The following NGF variants were observed in gnomAD, a reference collection of about 807,000 sequenced individuals.
NGF encodes the protein beta-nerve growth factor.
A neutral mutation model predicts 12.8 loss-of-function variants in NGF; 4 were observed. The observed-to-expected ratio is 0.31, with a 90% CI of 0.15 to 0.72. The LOEUF is 0.72. Among genes scored for constraint, NGF ranks in the 30% least tolerant of loss-of-function variants. The probability of loss-of-function intolerance (pLI) is 0.69; values close to 1 mark genes in which losing one functional copy is unlikely to be tolerated. For missense variants in NGF, 283 were observed against 330.8 expected, an observed-to-expected ratio of 0.86 and a Z score of 1.12; for synonymous variants, 140 against 130.0, an observed-to-expected ratio of 1.08 and a Z score of -0.52.
intron 1 of NGF, among the ~76,000 whole-genome samples, chr1:115,329,940 C>A (rs1439432666): frequency 6.6e-6 from 1 of 151,806 alleles, no homozygotes; most frequent in Admixed American, 6.6e-5. Context: ...TATTTTTGTA[C>A]AGATGGGGTC....
At chr1:115,335,614 C>T (rs1432691744) in intron 1 of NGF, among the ~76,000 whole-genome samples, 1 of 149,434 alleles carries the variant, frequency 6.7e-6, no homozygotes, top group Non-Finnish European at 1.5e-5. Flanking sequence ...TCCACTGCTT[C>T]CTGAGATCAG....
intron 1 of NGF, among the ~76,000 whole-genome samples, chr1:115,323,553 G>A (rs1654686120): frequency 6.6e-6 from 1 of 152,194 alleles, no homozygotes; most frequent in Admixed American, 6.5e-5. Context: ...AGGCAGCTAT[G>A]AGACTACATC....
intron 1 of NGF, among the ~76,000 whole-genome samples, chr1:115,296,574 C>T (rs1341998542): frequency 6.6e-6 from 1 of 152,168 alleles, no homozygotes; most frequent in African/African-American, 2.4e-5. Flanking sequence ...CACCTTGGTG[C>T]ATGCCAGGGC....
chr1:115,286,417 T>C lies in NGF; in HGVS notation c.379A>G (p.Ile127Val), dbSNP rs28758211. 2 of 1,611,884 alleles carry C rather than the reference T, an allele frequency of 1.2e-6. No homozygotes were observed. The highest frequency in any genetic ancestry group is 1.7e-6 in the Non-Finnish European group (2 of 1,179,582). The change falls in exon 3 of 3, where the codon ATC (isoleucine) becomes GTC (valine). Residue 127 changes from isoleucine to valine, a missense_variant. By Grantham distance (29) the Ile-to-Val change is conservative. Transcript: ENST00000369512. ...HRSKRSSSHPIFHRGEFSVCD... is the reference protein window; with the variant it reads ...HRSKRSSSHPVFHRGEFSVCD... ...ACCGAGAATTCGCCCCTGTGGAAGA[T>C]GGGATGGGATGATGACCGCTTGCTC... is the stretch of plus-strand genomic sequence containing the variant.
At position 115,337,267 on chromosome 1, in the gene NGF, G is replaced by GTTTTTTTTTTTT. The variant is rs67307707; in HGVS notation, c.-137+925_-137+936dup. Among the ~76,000 whole-genome samples the GTTTTTTTTTTTT allele has an allele frequency of 2.8e-3, 226 of 81,008 alleles. 24 individuals carry two copies. Among genetic ancestry groups the GTTTTTTTTTTTT allele is most frequent in the Non-Finnish European group, 4.4e-3 (189 of 42,658 alleles). The allele number at this position is 81,008 out of a possible 152,430, so 53.1% of individuals were successfully genotyped here. On this transcript the variant is annotated intron_variant, in intron 1 of 2. Coordinates refer to ENST00000369512, the MANE Select transcript of NGF (RefSeq NM_002506.3). ...TCGAAATTTTTTTTGTTTTGTTTTT[G>GTTTTTTTTTTTT]TTTTTTTTTTTTTTTTTTTTTTTTT... is the stretch of plus-strand genomic sequence containing the variant.
At chr1:115,323,971 C>T (rs1262059484) in intron 1 of NGF, among the ~76,000 whole-genome samples, 3 of 152,184 alleles carry the variant, frequency 2.0e-5, no homozygotes, top group African/African-American at 7.2e-5. Flanking sequence ...GATCTGCAAA[C>T]CCCAGAATTT....
At position 115,319,240 on chromosome 1, in the gene NGF, C is replaced by T. The variant is rs560083920; in HGVS notation, c.-137+18964G>A. ...TTCTTTTCTTAACCAGACCCGGTGA[C>T]TGGCCTTCTTCTTCAAGATTCTCCA... On this transcript the variant is annotated intron_variant, in intron 1 of 2. Coordinates refer to ENST00000369512, the MANE Select transcript of NGF (RefSeq NM_002506.3). Among the ~76,000 whole-genome samples, 15 of 152,324 alleles carry T rather than the reference C, an allele frequency of 9.8e-5. No individual in the cohort carries two copies. In the South Asian group the frequency reaches 3.1e-3, roughly 32 times the overall value.
At chr1:115,299,557 G>A (rs931628509) in intron 1 of NGF, among the ~76,000 whole-genome samples, 1 of 152,314 alleles carries the variant, frequency 6.6e-6, no homozygotes, top group East Asian at 1.9e-4. Context: ...CAACATTAAT[G>A]TGGTGGAAGA....
At chr1:115,307,262 G>GA (rs1220338600) in intron 1 of NGF, among the ~76,000 whole-genome samples, 1 of 152,182 alleles carries the variant, frequency 6.6e-6, no homozygotes, top group African/African-American at 2.4e-5. Context: ...ACAATTGAGA[G>GA]AGGAGGGGAG....
intron 2 of NGF, among the ~76,000 whole-genome samples, chr1:115,292,728 G>T (rs1197553991): frequency 6.6e-6 from 1 of 152,142 alleles, no homozygotes; most frequent in Non-Finnish European, 1.5e-5. Flanking sequence ...CCCCAACATC[G>T]AAATGAAAAT....
chr1:115,313,241 G>C (rs778583967), intron 1 of NGF, among the ~76,000 whole-genome samples: 14 of 152,174 alleles, frequency 9.2e-5, no homozygotes, highest in Non-Finnish European at 1.8e-4. Context: ...GTACTACTTT[G>C]GTCTGTTGTA....
Position 115,319,420 on chromosome 1 carries a change from C to T in NGF, c.-137+18784G>A, listed in dbSNP as rs531416202. Among the ~76,000 whole-genome samples the T allele has an allele frequency of 4.6e-5, 7 of 152,296 alleles. No homozygotes were observed. In the South Asian group the frequency reaches 8.3e-4, roughly 18 times the overall value. On this transcript the variant is annotated intron_variant, in intron 1 of 2. Transcript: ENST00000369512. The stretch of plus-strand genomic sequence containing the variant: ...ACATGTGTACATGTACTCGCACACA[C>T]ACATACTCATGTACACACCTGTACA...
intron 1 of NGF, among the ~76,000 whole-genome samples, chr1:115,328,084 A>T (rs901640038): frequency 3.3e-5 from 5 of 152,208 alleles, no homozygotes; most frequent in Non-Finnish European, 4.4e-5. Context: ...ACAGGAATTC[A>T]GCATTTGAGA....
intron 1 of NGF, among the ~76,000 whole-genome samples, chr1:115,314,351 T>A (rs917427059): frequency 6.6e-5 from 10 of 152,208 alleles, no homozygotes; most frequent in African/African-American, 2.4e-4. Flanking sequence ...CCTCCCTGTT[T>A]TCCTCATCAC....
At chr1:115,288,839 T>G (rs1343652379) in intron 2 of NGF, among the ~76,000 whole-genome samples, 3 of 152,244 alleles carry the variant, frequency 2.0e-5, no homozygotes, top group African/African-American at 7.2e-5. Flanking sequence ...AAGCTCACCA[T>G]CTGCCTTCTT....
intron 1 of NGF, among the ~76,000 whole-genome samples, chr1:115,295,012 T>G (rs955728362): frequency 1.3e-5 from 2 of 152,208 alleles, no homozygotes; most frequent in Non-Finnish European, 2.9e-5. Context: ...AGTTCTAGAA[T>G]GACATCTTAA....
chr1:115,336,054 G>A (rs1320130038), intron 1 of NGF, among the ~76,000 whole-genome samples: 2 of 152,194 alleles, frequency 1.3e-5, no homozygotes, highest in African/African-American at 4.8e-5. Flanking sequence ...GAAAGAGAAT[G>A]AGAGTGTGAA....
chr1:115,326,107 T>A (rs923715568), intron 1 of NGF, among the ~76,000 whole-genome samples: 1 of 151,794 alleles, frequency 6.6e-6, no homozygotes, highest in Non-Finnish European at 1.5e-5. Flanking sequence ...AAGAGGGCGA[T>A]CTAGAAAGGA....
chr1:115,290,182 C>T (rs919740880), intron 2 of NGF, among the ~76,000 whole-genome samples: 1 of 152,088 alleles, frequency 6.6e-6, no homozygotes, highest in African/African-American at 2.4e-5. Context: ...GTGCACAAAA[C>T]TCCTGGGGGC....
Sources: allele counts gnomAD v4.1 joint callset (sites outside exome capture counted in the v4.1 genomes callset), GRCh38; gene constraint gnomAD v4.1.1; transcripts MANE v1.5; gene names NCBI Gene and HGNC (gene_info 2026-07-23, HGNC 2026-07-21).